The following ASB7 variants were observed in gnomAD, a reference collection of about 807,000 sequenced individuals.
The protein encoded by ASB7 is ankyrin repeat and SOCS box containing 7, also known as ankyrin repeat and SOCS box protein 7.
In ASB7, 4 loss-of-function variants were observed where a neutral mutation model predicts 32.5. The ratio of observed to expected loss-of-function variants is 0.12; its 90% CI spans 0.06 to 0.28. ASB7 has a LOEUF of 0.28. ASB7 is among the 10% of genes least tolerant of loss of function. The pLI, the probability that ASB7 is intolerant of heterozygous loss-of-function variation, is 1.00. For missense variants in ASB7, 181 were observed against 407.1 expected (o/e 0.44, Z 4.78); for synonymous variants, 172 against 155.6 (o/e 1.11, Z -0.78).
intron 5 of ASB7, among the ~76,000 whole-genome samples, chr15:100,634,401 T>A (rs761274811): frequency 6.6e-6 from 1 of 152,210 alleles, no homozygotes; most frequent in Non-Finnish European, 1.5e-5. Flanking sequence ...AAATATATGT[T>A]TTTGGGGAAA....
chr15:100,642,337 G>A (rs2039967256), intron 5 of ASB7, among the ~76,000 whole-genome samples: 1 of 152,134 alleles, frequency 6.6e-6, no homozygotes, highest in Non-Finnish European at 1.5e-5. Context: ...GATACTTAAC[G>A]GTATTCTGCC....
rs1462765428 is a variant in ASB7 at position 100,602,892 on chromosome 15, G to C, written c.-427G>C. ...CGGGATCGCCACCTCCTGCCTTCTC[G>C]GCTGTTCGGATGTTCGCCGGGCTGG... On this transcript the variant is annotated 5_prime_UTR_variant, in exon 1 of 6. Transcript: ENST00000332783. 2.5e-6 allele frequency: 1 copy of C among 397,886 alleles called. No homozygotes were observed. The highest frequency in any genetic ancestry group is 2.1e-5 in the African/African-American group (1 of 48,608). 24.6% of individuals were successfully genotyped at this position (397,886 alleles called of 1,614,324 possible). A position where few individuals can be genotyped will look rare whatever the true frequency, so the allele number is the denominator to read the frequency against.
chr15:100,610,816 T>G (rs2039689809), intron 3 of ASB7, among the ~76,000 whole-genome samples: 1 of 152,198 alleles, frequency 6.6e-6, no homozygotes, highest in Non-Finnish European at 1.5e-5. Context: ...TTCATCACAG[T>G]TTAAAAAATG....
intron 3 of ASB7, among the ~76,000 whole-genome samples, chr15:100,611,758 G>A (rs982363636): frequency 6.6e-6 from 1 of 150,484 alleles, no homozygotes; most frequent in Non-Finnish European, 1.5e-5. Flanking sequence ...AAGACTGTAG[G>A]CGTGAGCCAC....
intron 3 of ASB7, among the ~76,000 whole-genome samples, 166 bp from the exon 4 acceptor site, chr15:100,612,000 A>G (rs1180083720): frequency 6.6e-6 from 1 of 151,786 alleles, no homozygotes; most frequent in Non-Finnish European, 1.5e-5. Context: ...CAGCCTCCTG[A>G]GTTGCTGGGA....
chr15:100,608,739 A>G (rs924397892), intron 2 of ASB7, among the ~76,000 whole-genome samples: 1 of 152,228 alleles, frequency 6.6e-6, no homozygotes, highest in South Asian at 2.1e-4. Flanking sequence ...TTTTATTTCC[A>G]AGGGCAAGTT....
chr15:100,645,927 T>A, intron 5 of ASB7: 1 of 622,528 alleles, frequency 1.6e-6, no homozygotes, highest in Non-Finnish European at 3.0e-6. Context: ...AGAAGGTCAC[T>A]ATGGGAGTCC....
chr15:100,639,494 G>A (rs1321574853), intron 5 of ASB7, among the ~76,000 whole-genome samples: 1 of 152,034 alleles, frequency 6.6e-6, no homozygotes, highest in East Asian at 1.9e-4. Context: ...ACCCCATATA[G>A]CAATAAGTAT....
intron 4 of ASB7, among the ~76,000 whole-genome samples, chr15:100,628,074 C>G (rs192755909): frequency 2.6e-5 from 4 of 152,308 alleles, no homozygotes; most frequent in Middle Eastern, 3.4e-3. Context: ...ATTTTTCTTT[C>G]AGTTAAGACC....
intron 5 of ASB7, among the ~76,000 whole-genome samples, chr15:100,630,714 G>A (rs556387218): frequency 1.3e-5 from 2 of 152,248 alleles, no homozygotes; most frequent in South Asian, 2.1e-4. Context: ...GGCCCACTTT[G>A]TGTAGTAACG....
At chr15:100,639,373 A>G (rs1029408718) in intron 5 of ASB7, among the ~76,000 whole-genome samples, 2 of 152,242 alleles carry the variant, frequency 1.3e-5, no homozygotes, top group African/African-American at 2.4e-5. Context: ...TAGAAGTAAG[A>G]CTTTAAAGGC....
chr15:100,605,846 G>A (rs1302547973), intron 2 of ASB7, among the ~76,000 whole-genome samples: 1 of 152,158 alleles, frequency 6.6e-6, no homozygotes, highest in African/African-American at 2.4e-5. Context: ...AATTTCTTCT[G>A]TTGCTTCATC....
intron 5 of ASB7, chr15:100,645,647 C>T: frequency 8.5e-7 from 1 of 1,182,528 alleles, no homozygotes; most frequent in Non-Finnish European, 1.3e-6. Flanking sequence ...TGATGTCTCC[C>T]AACCTGTATG....
intron 5 of ASB7, among the ~76,000 whole-genome samples, chr15:100,636,503 G>A (rs539252348): frequency 5.7e-4 from 87 of 152,266 alleles, no homozygotes; most frequent in Admixed American, 2.9e-3. Flanking sequence ...TGTCAGAGGC[G>A]CTGTTGAATC....
chr15:100,643,093 G>A (rs922989575), intron 5 of ASB7, among the ~76,000 whole-genome samples: 1 of 152,108 alleles, frequency 6.6e-6, no homozygotes, highest in Non-Finnish European at 1.5e-5. Context: ...CGGCAAGTTG[G>A]TGCTGGCAGT....
intron 5 of ASB7, among the ~76,000 whole-genome samples, chr15:100,632,220 A>G (rs116599834): frequency 6.6e-6 from 1 of 152,346 alleles, no homozygotes; most frequent in African/African-American, 2.4e-5. Context: ...CTGTGCGCCT[A>G]GGAGGTCCTC....
chr15:100,638,223 C>T (rs1294498152), intron 5 of ASB7: 1 of 152,076 alleles, frequency 6.6e-6, no homozygotes, highest in African/African-American at 2.4e-5. Flanking sequence ...TGATGAATCT[C>T]TAATGTATTT....
rs1370451251 is a variant in ASB7, at chr15:100,648,513, G to A, written c.*51G>A. 1.4e-6 allele frequency: 2 copies of A among 1,477,964 alleles called. No individual in the cohort carries two copies. Among genetic ancestry groups the A allele is most frequent in the Non-Finnish European group, 1.8e-6 (2 of 1,084,336 alleles). The allele number at this position is 1,477,964 out of a possible 1,614,324, so 91.6% of individuals were successfully genotyped here. A position where few individuals can be genotyped will look rare whatever the true frequency, so the allele number is the denominator to read the frequency against. ...GGAGTTCTATTCTAGATACTTAAAA[G>A]GCTTTTTGCCTTGCACAAAGTATAT... On this transcript the variant is annotated 3_prime_UTR_variant, in exon 6 of 6. Coordinates refer to ENST00000332783, the MANE Select transcript of ASB7 (RefSeq NM_198243.3).
intron 5 of ASB7, among the ~76,000 whole-genome samples, chr15:100,631,237 TAGCCACTGG>T (rs2039881161): frequency 6.6e-6 from 1 of 152,220 alleles, no homozygotes; most frequent in Admixed American, 6.5e-5. Flanking sequence ...TCCAGTATAG[TAGCCACTGG>T]TCCCATGTGG....
Sources: gnomAD v4.1 joint callset for allele counts (sites outside exome capture counted in the v4.1 genomes callset) on GRCh38, gnomAD v4.1.1 for gene constraint, MANE v1.5 for transcripts, NCBI Gene and HGNC (gene_info 2026-07-23, HGNC 2026-07-21) for gene names.